Variants in NXPH1 observed in about 807,000 individuals in gnomAD.
The protein encoded by NXPH1 is neurexophilin-1.
In NXPH1, 5 loss-of-function variants were observed where a neutral mutation model predicts 23.7. That is an observed-to-expected ratio of 0.21 (90% CI 0.11 to 0.44). The LOEUF is 0.44. NXPH1 is among the 20% of genes least tolerant of loss of function. The pLI, the probability that NXPH1 is intolerant of heterozygous loss-of-function variation, is 0.99. For missense variants in NXPH1, 324 were observed against 321.6 expected, an observed-to-expected ratio of 1.01 and a Z score of -0.06; for synonymous variants, 144 against 122.2, an observed-to-expected ratio of 1.18 and a Z score of -1.18.
At chr7:8,440,861 A>T (rs984477306) in intron 2 of NXPH1, among the ~76,000 whole-genome samples, 4 of 152,294 alleles carry the variant, frequency 2.6e-5, no homozygotes, top group African/African-American at 9.6e-5. Context: ...GGTGCTTGTC[A>T]GCTTCACCTG....
intron 2 of NXPH1, among the ~76,000 whole-genome samples, chr7:8,519,624 G>T (rs767146229): frequency 6.6e-6 from 1 of 152,022 alleles, no homozygotes; most frequent in Non-Finnish European, 1.5e-5. Flanking sequence ...TTCATAAATT[G>T]CAAAACAGCA....
At position 8,635,905 on chromosome 7, in the gene NXPH1, C is replaced by A. The variant is rs546959070; in HGVS notation, c.55-115103C>A. 2.0e-5 allele frequency among the ~76,000 whole-genome samples: 3 copies of A among 152,070 alleles called. No individual in the cohort carries two copies. The East Asian group carries it at 5.8e-4, about 29-fold the overall frequency. On this transcript the variant is annotated intron_variant, in intron 2 of 2. Coordinates refer to ENST00000405863, the MANE Select transcript of NXPH1 (RefSeq NM_152745.3). ...TTTAAATGTGTACTAATTGTACCTC[C>A]TATTTATAGAAAAAAAGTGCTGTTC...
intron 2 of NXPH1, among the ~76,000 whole-genome samples, chr7:8,568,231 A>G (rs1228186774): frequency 4.6e-5 from 7 of 151,872 alleles, no homozygotes; most frequent in African/African-American, 1.7e-4. Context: ...TATTTTCTCA[A>G]ATGTTTTCAG....
intron 2 of NXPH1, among the ~76,000 whole-genome samples, chr7:8,737,355 G>A (rs927982038): frequency 6.6e-6 from 1 of 152,158 alleles, no homozygotes; most frequent in Admixed American, 6.5e-5. Flanking sequence ...GCATTTGCTT[G>A]TCTGTAAAGG....
At chr7:8,450,913 T>C (rs1421576013) in intron 2 of NXPH1, among the ~76,000 whole-genome samples, 1 of 150,256 alleles carries the variant, frequency 6.7e-6, no homozygotes, top group Non-Finnish European at 1.5e-5. Flanking sequence ...AATGCCTAGT[T>C]CCTAGTTTGT....
At chr7:8,634,898 C>T (rs1010989992) in intron 2 of NXPH1, among the ~76,000 whole-genome samples, 1 of 152,136 alleles carries the variant, frequency 6.6e-6, no homozygotes, top group Non-Finnish European at 1.5e-5. Flanking sequence ...CTTCACAAGA[C>T]ACTTTTAAAG....
chr7:8,587,021 A>G (rs373440903), intron 2 of NXPH1, among the ~76,000 whole-genome samples: 1 of 152,302 alleles, frequency 6.6e-6, no homozygotes, highest in Admixed American at 6.5e-5. Flanking sequence ...AAATGGGATC[A>G]TGCTATACCC....
intron 2 of NXPH1, among the ~76,000 whole-genome samples, chr7:8,591,095 A>T (rs767374178): frequency 1.1e-4 from 17 of 152,226 alleles, no homozygotes; most frequent in South Asian, 2.1e-4. Context: ...AGAAAACAAG[A>T]TACTATTTCT....
At chr7:8,628,487 C>A (rs1424318659) in intron 2 of NXPH1, among the ~76,000 whole-genome samples, 4 of 150,370 alleles carry the variant, frequency 2.7e-5, no homozygotes, top group Non-Finnish European at 5.9e-5. Context: ...AGAGGAAAGT[C>A]AGGGACAAGA....
intron 2 of NXPH1, among the ~76,000 whole-genome samples, chr7:8,500,126 T>C (rs903367500): frequency 2.0e-5 from 3 of 152,092 alleles, no homozygotes; most frequent in Non-Finnish European, 4.4e-5. Flanking sequence ...AGGCAGAAGT[T>C]TCCTCGCCAT....
chr7:8,573,072 C>A (rs547105211), intron 2 of NXPH1, among the ~76,000 whole-genome samples: 1 of 151,758 alleles, frequency 6.6e-6, no homozygotes, highest in African/African-American at 2.4e-5. Flanking sequence ...ATATTTCCAT[C>A]CAGTCTTTCT....
intron 2 of NXPH1, among the ~76,000 whole-genome samples, chr7:8,617,773 G>A (rs950053202): frequency 7.2e-5 from 11 of 152,034 alleles, no homozygotes; most frequent in Non-Finnish European, 1.3e-4. Flanking sequence ...GTAATTGTAC[G>A]TTTTAAAACA....
chr7:8,540,703 A>T (rs773504150), intron 2 of NXPH1, among the ~76,000 whole-genome samples: 2 of 151,810 alleles, frequency 1.3e-5, no homozygotes, highest in Non-Finnish European at 2.9e-5. Context: ...AAATGTGAAG[A>T]AATTAACCAG....
intron 2 of NXPH1, among the ~76,000 whole-genome samples, chr7:8,710,644 T>C (rs1443191407): frequency 1.5e-4 from 3 of 19,690 alleles, no homozygotes; most frequent in African/African-American, 5.8e-4. Flanking sequence ...TGTTACGTTT[T>C]TTGTTTTTTT....
intron 2 of NXPH1, among the ~76,000 whole-genome samples, chr7:8,581,325 C>T (rs368071014): frequency 6.6e-6 from 1 of 152,158 alleles, no homozygotes; most frequent in African/African-American, 2.4e-5. Context: ...TGAATTGGCT[C>T]ATAGTTCCAC....
chr7:8,519,244 G>T (rs1484835582), intron 2 of NXPH1, among the ~76,000 whole-genome samples: 1 of 152,070 alleles, frequency 6.6e-6, no homozygotes, highest in Non-Finnish European at 1.5e-5. Flanking sequence ...TTATAAAAAA[G>T]GTATTACATT....
At chr7:8,475,506 A>G (rs1816954592) in intron 2 of NXPH1, among the ~76,000 whole-genome samples, 1 of 152,158 alleles carries the variant, frequency 6.6e-6, no homozygotes, top group Admixed American at 6.6e-5. Flanking sequence ...AACAATAGCC[A>G]TGCTGAAAAC....
chr7:8,667,363 TC>T (rs1203602535), intron 2 of NXPH1, among the ~76,000 whole-genome samples: 1 of 95,912 alleles, frequency 1.0e-5, no homozygotes, highest in Non-Finnish European at 2.6e-5. Flanking sequence ...GTAATTAATT[TC>T]CCAAATATTT....
At chr7:8,568,277 C>T (rs975010140) in intron 2 of NXPH1, among the ~76,000 whole-genome samples, 5 of 151,788 alleles carry the variant, frequency 3.3e-5, no homozygotes, top group Non-Finnish European at 7.4e-5. Flanking sequence ...CTCTTAAGGT[C>T]CCAATTTCCT....
Sources: gnomAD v4.1 joint callset for allele counts (sites outside exome capture counted in the v4.1 genomes callset) on GRCh38, gnomAD v4.1.1 for gene constraint, MANE v1.5 for transcripts, NCBI Gene and HGNC (gene_info 2026-07-23, HGNC 2026-07-21) for gene names.